CAPN11: variants seen among roughly 807,000 people sequenced by gnomAD.
The protein encoded by CAPN11 is calpain 11.
A neutral mutation model predicts 105.3 loss-of-function variants in CAPN11; 108 were observed. The observed-to-expected ratio is 1.03, with a 90% CI of 0.88 to 1.20. The LOEUF (loss-of-function observed/expected upper bound fraction) is 1.20, where lower values mean the gene tolerates loss of function less well. CAPN11 is among the 50% of genes most tolerant of loss of function. The pLI, the probability that CAPN11 is intolerant of heterozygous loss-of-function variation, is 0.00. For missense variants in CAPN11, 883 were observed against 924.8 expected (o/e 0.95, Z 0.59); for synonymous variants, 329 against 344.5 (o/e 0.96, Z 0.50).
chr6:44,172,873 G>A (rs1771254344), intron 5 of CAPN11, 67 bp from the exon 6 acceptor site: 50 of 1,557,776 alleles, frequency 3.2e-5, no homozygotes, highest in South Asian at 2.9e-4. Flanking sequence ...GTGTCATCAG[G>A]TCTGGCCACT....
At chr6:44,175,003 A>G (rs904517159) in intron 7 of CAPN11, among the ~76,000 whole-genome samples, 1 of 152,182 alleles carries the variant, frequency 6.6e-6, no homozygotes, top group Non-Finnish European at 1.5e-5. Flanking sequence ...TGGAGTCATG[A>G]GAAGAGATGG....
At chr6:44,169,652 G>A (rs1405050254) in intron 3 of CAPN11, 121 bp downstream of exon 3, 13 of 1,100,418 alleles carry the variant, frequency 1.2e-5, no homozygotes, top group Non-Finnish European at 1.7e-5. Context: ...CTGGCACTAG[G>A]CCCCACCTTC....
In CAPN11 at chr6:44,183,158, C is replaced by T. The variant is rs374181411; in HGVS notation, c.2057C>T (p.Ala686Val). The change falls in exon 21 of 23, where the codon GCC (alanine) becomes GTC (valine). Residue 686 changes from alanine to valine, a missense_variant. By Grantham distance (64) the Ala-to-Val change is moderately conservative. Transcript: ENST00000398776. ...AACAAGGTAATGCAGGTCCTGGTGG[C>T]CAGGTATGCAGATGATGACCTGATC... ...LNNKVMQVLV[A>V]RYADDDLIID... is the part of the protein sequence containing the mutation. The T allele has an allele frequency of 3.1e-6, 5 of 1,613,286 alleles. No homozygotes were observed. The highest frequency in any genetic ancestry group is 4.2e-6 in the Non-Finnish European group (5 of 1,179,444).
intron 11 of CAPN11, 24 bp downstream of exon 11, chr6:44,177,022 G>A (rs1340543381): frequency 2.5e-6 from 4 of 1,607,070 alleles, no homozygotes; most frequent in East Asian, 4.5e-5. Context: ...GAGAGGGGAG[G>A]GGGTGTGCAG....
At position 44,176,067 on chromosome 6, in the gene CAPN11, G is replaced by C; in HGVS notation, c.832-1G>C. ...GCTCTCCCTCCCTCTCTGTTCTGTA[G>C]GTCACCAGTGATAGTGAACTGGAAT... On this transcript the variant is annotated splice_acceptor_variant, in intron 7 of 22. Transcript: ENST00000398776. LOFTEE classifies it high-confidence loss of function. 1 of 1,607,030 alleles carries C rather than the reference G, an allele frequency of 6.2e-7. No homozygotes were observed. Among genetic ancestry groups the C allele is most frequent in the Non-Finnish European group, 8.5e-7 (1 of 1,175,474 alleles).
intron 19 of CAPN11, 150 bp downstream of exon 19, chr6:44,181,470 CACAT>C (rs879082024): frequency 0.011 from 3,108 of 273,352 alleles, 378 homozygotes; most frequent in African/African-American, 0.093. Context: ...CACACACACT[CACAT>C]ACAGACACAA....
intron 8 of CAPN11, 41 bp downstream of exon 8, chr6:44,176,192 A>T: frequency 7.3e-7 from 1 of 1,362,348 alleles, no homozygotes; most frequent in Non-Finnish European, 1.0e-6. Flanking sequence ...GGACCCTGAG[A>T]AGGAGGAGAA....
intron 1 of CAPN11, among the ~76,000 whole-genome samples, chr6:44,159,356 G>A (rs1049825631): frequency 2.0e-5 from 3 of 152,100 alleles, no homozygotes; most frequent in African/African-American, 7.2e-5. Context: ...CCTGAGGCAA[G>A]CCTGGGACCA....
intron 19 of CAPN11, 146 bp downstream of exon 19, chr6:44,181,466 CA>C (rs1561853857): frequency 0.029 from 11,243 of 391,220 alleles, 3,440 homozygotes; most frequent in Admixed American, 0.067. Context: ...CACACACACA[CA>C]CTCACATACA....
rs1464311303 is a variant in CAPN11 at position 44,180,113 on chromosome 6, A to T, written c.1590A>T (p.Arg530Ser). The change falls in exon 14 of 23, where the codon AGA becomes AGT. Residue 530 changes from arginine (R) to serine (S), a missense_variant. Transcript: ENST00000398776. ...IIIPSTFEPH[R>S]DADFLLRVFT... ...TTCCCTCCACCTTTGAGCCACACAGAGATGCTGACTTCCTGCTTCGGGTCT... is the reference window on the plus strand; with the variant it reads ...TTCCCTCCACCTTTGAGCCACACAGTGATGCTGACTTCCTGCTTCGGGTCT... 6.2e-7 allele frequency: 1 copy of T among 1,613,386 alleles called. No homozygotes were observed.
chr6:44,176,269 A>G lies in CAPN11; in HGVS notation c.932A>G (p.Lys311Arg), dbSNP rs1771995489. The change falls in exon 9 of 23, where the codon AAA becomes AGA. Residue 311 changes from lysine to arginine, a missense_variant. Lys to Arg is a conservative substitution (Grantham distance 26, BLOSUM62 2). Coordinates refer to ENST00000398776, the MANE Select transcript of CAPN11 (RefSeq NM_007058.4). ...TGLQDVHYRG[K>R]METLIRVRNP... ...CCCACCCAGGTCCACTACAGAGGCA[A>G]AATGGAAACACTGATTCGGGTCCGG... is the stretch of plus-strand genomic sequence containing the variant. 8 of 1,613,986 alleles carry G rather than the reference A, an allele frequency of 5.0e-6. No individual in the cohort carries two copies. Among genetic ancestry groups the G allele is most frequent in the Non-Finnish European group, 6.8e-6 (8 of 1,179,882 alleles).
chr6:44,179,235 T>G (rs74555848), intron 12 of CAPN11, among the ~76,000 whole-genome samples: 7,049 of 152,064 alleles, frequency 0.046, 354 homozygotes, highest in African/African-American at 0.13. Flanking sequence ...TCTGTTTCCT[T>G]CCCTTAACCT....
chr6:44,181,040 A>T, intron 18 of CAPN11, 43 bp downstream of exon 18: 10 of 1,576,678 alleles, frequency 6.3e-6, no homozygotes, highest in Non-Finnish European at 7.8e-6. Flanking sequence ...TCCCCTGCCC[A>T]CAAGCCTGGC....
rs185568275 is a variant in CAPN11 at position 44,162,003 on chromosome 6, G to A, written c.16+3139G>A. On this transcript the variant is annotated intron_variant, in intron 1 of 22. Coordinates refer to ENST00000398776, the MANE Select transcript of CAPN11 (RefSeq NM_007058.4). ...GAGACTTTCCTCTACACTGAGGGGC[G>A]CCCAGCAGCATCCCTGGCCTCTACT... 3.5e-5 allele frequency: 15 copies of A among 424,716 alleles called. No individual in the cohort carries two copies. In the East Asian group the frequency reaches 3.6e-4, roughly 10 times the overall value. 26.3% of individuals were successfully genotyped at this position (424,716 alleles called of 1,614,324 possible).
At chr6:44,166,903 T>C (rs1418134938) in intron 2 of CAPN11, 74 bp downstream of exon 2, 2 of 790,082 alleles carry the variant, frequency 2.5e-6, no homozygotes, top group East Asian at 4.7e-5. Flanking sequence ...TCTCTTCCCC[T>C]GGGCCTGCTG....
chr6:44,167,045 G>T (rs34579254), intron 2 of CAPN11, among the ~76,000 whole-genome samples: 47,703 of 151,746 alleles, frequency 0.31, 8,880 homozygotes, highest in Non-Finnish European at 0.42. Context: ...GTCCCAAGCC[G>T]CCTGGCAGGC....
chr6:44,158,874 C>T lies in CAPN11; in HGVS notation c.16+10C>T. 6.4e-7 allele frequency: 1 copy of T among 1,551,074 alleles called. No individual in the cohort carries two copies. The highest frequency in any genetic ancestry group is 8.7e-7 in the Non-Finnish European group (1 of 1,146,506). On this transcript the variant is annotated intron_variant, in intron 1 of 22. Coordinates refer to ENST00000398776, the MANE Select transcript of CAPN11 (RefSeq NM_007058.4). ...ATGCTGTACTCCCCAGGTAGGCACTCATGGGGCCTTGCCCCACTCCTGTAC... is the reference window on the plus strand; with the variant it reads ...ATGCTGTACTCCCCAGGTAGGCACTTATGGGGCCTTGCCCCACTCCTGTAC...
chr6:44,179,517 C>CACACACACAGTGCCCTTAAT, intron 12 of CAPN11, 102 bp from the exon 13 acceptor site: 1 of 1,063,658 alleles, frequency 9.4e-7, no homozygotes. Context: ...TCCAACAACA[C>CACACACACAGTGCCCTTAAT]ACACACACAG....
chr6:44,172,247 C>G, intron 4 of CAPN11, 55 bp from the exon 5 acceptor site: 1 of 1,216,820 alleles, frequency 8.2e-7, no homozygotes, highest in Non-Finnish European at 1.2e-6. Flanking sequence ...ATTCTGAGGC[C>G]CACCCACACA....
Sources: gnomAD v4.1 joint callset for allele counts (sites outside exome capture counted in the v4.1 genomes callset) on GRCh38, gnomAD v4.1.1 for gene constraint, MANE v1.5 for transcripts, NCBI Gene and HGNC (gene_info 2026-07-23, HGNC 2026-07-21) for gene names.